Variants in LRRC56 observed in about 807,000 individuals in gnomAD.
LRRC56 encodes leucine-rich repeat-containing protein 56.
In LRRC56, 41 loss-of-function variants were observed where a neutral mutation model predicts 47.8. The ratio of observed to expected loss-of-function variants is 0.86; its 90% CI spans 0.67 to 1.11. The LOEUF (loss-of-function observed/expected upper bound fraction) is 1.11. Among genes scored for constraint, LRRC56 ranks in the 50% most tolerant of loss-of-function variants. The pLI is 0.00. For missense variants in LRRC56, 759 were observed against 704.2 expected (o/e 1.08, Z -0.88); for synonymous variants, 387 against 311.2 (o/e 1.24, Z -2.56).
At chr11:532,611 G>A (rs756277885), upstream of LRRC56, 78 of 1,604,090 alleles carry the variant, frequency 4.9e-5, 1 homozygote, top group Middle Eastern at 8.5e-4. Context: ...CGTGGCGGCC[G>A]CCCTGGGAGT....
At chr11:540,577 CG>C (rs1247892644) in intron 3 of LRRC56, 96 bp from the exon 4 acceptor site, 1 of 929,458 alleles carries the variant, frequency 1.1e-6, no homozygotes, top group African/African-American at 3.4e-5. Context: ...CTTGCTGTGA[CG>C]GGGGCGGGGG....
At chr11:531,700 G>A in the LRRC56 span, among the ~76,000 whole-genome samples, 3 of 152,200 alleles carry the variant, frequency 2.0e-5, no homozygotes, top group Non-Finnish European at 2.9e-5. Flanking sequence ...CCTACTGGCC[G>A]CTACCCGACC....
the LRRC56 span, among the ~76,000 whole-genome samples, chr11:530,111 T>G: frequency 6.6e-6 from 1 of 152,152 alleles, no homozygotes; most frequent in African/African-American, 2.4e-5. Flanking sequence ...CAGTTCAGCA[T>G]GGAGCAGGGG....
rs1852681901 is a variant in LRRC56, at chr11:554,849, C to A, written c.*573C>A. ...GGAACCCAAACCAACATTTCCAGCT[C>A]TCAGGTGTACAGAAATGCGGTTTAC... On this transcript the variant is annotated 3_prime_UTR_variant, in exon 14 of 14. Coordinates refer to ENST00000270115, the MANE Select transcript of LRRC56 (RefSeq NM_198075.4). 9.2e-6 allele frequency: 6 copies of A among 652,116 alleles called. No individual in the cohort carries two copies. The highest frequency in any genetic ancestry group is 7.9e-5 in the African/African-American group (4 of 50,846). The allele number at this position is 652,116 out of a possible 1,614,324, so 40.4% of individuals were successfully genotyped here.
rs1199089475 is a variant in LRRC56, at chr11:552,094, G to A, written c.1043G>A (p.Arg348Lys). The change falls in exon 12 of 14, where the codon AGG becomes AAG. Residue 348 changes from arginine (R) to lysine (K), a missense_variant. Physicochemically the swap from Arg to Lys is conservative, Grantham distance 26 (BLOSUM62 2). Transcript: ENST00000270115. ...GCAGTCCCTTTTCCTCCCCAGGCCA[G>A]GGAGCCCCCCGAGCAGCTGCCCCAA... ...LRERRHQCQA[R>K]EPPEQLPQHR... The A allele has an allele frequency of 3.1e-6, 5 of 1,610,370 alleles. No individual in the cohort carries two copies. Among genetic ancestry groups the A allele is most frequent in the African/African-American group, 1.3e-5 (1 of 74,870 alleles).
intron 3 of LRRC56, among the ~76,000 whole-genome samples, chr11:540,397 G>A (rs1446733894): frequency 1.3e-5 from 2 of 152,222 alleles, no homozygotes; most frequent in Non-Finnish European, 2.9e-5. Flanking sequence ...GGACCCTGAG[G>A]ATGGGCAGAA....
rs1332627283 is a variant in LRRC56, at chr11:552,620, C to G, written c.1233C>G (p.Pro411=). ...PESQQEGAVA[P]WGPRRVPEEQ... Reference sequence around the variant, plus strand: ...CCCAACAGGAAGGGGCTGTAGCCCCCTGGGGCCCACGGAGGGTCCCTGAAG... The same window carrying G: ...CCCAACAGGAAGGGGCTGTAGCCCCGTGGGGCCCACGGAGGGTCCCTGAAG... Residue 411 remains proline (P), a synonymous_variant, in exon 13 of 14, where the codon CCC becomes CCG. Coordinates refer to ENST00000270115, the MANE Select transcript of LRRC56 (RefSeq NM_198075.4). 1 of 1,610,284 alleles carries G rather than the reference C, an allele frequency of 6.2e-7. No homozygotes were observed. Among genetic ancestry groups the G allele is most frequent in the Admixed American group, 1.7e-5 (1 of 59,878 alleles).
the LRRC56 span, among the ~76,000 whole-genome samples, chr11:524,629 C>A: frequency 1.3e-5 from 2 of 151,476 alleles, no homozygotes; most frequent in Non-Finnish European, 2.9e-5. Context: ...GAAACTCTGT[C>A]TCAAAAAAAT....
upstream of LRRC56, chr11:532,902 G>A: frequency 2.4e-6 from 2 of 825,764 alleles, no homozygotes; most frequent in Admixed American, 2.0e-5. Context: ...CACACGGGAA[G>A]CTGGACTCTG....
the LRRC56 span, among the ~76,000 whole-genome samples, chr11:531,174 C>T: frequency 1.4e-5 from 2 of 144,576 alleles, no homozygotes; most frequent in African/African-American, 2.7e-5. Context: ...GAGAGAAGGG[C>T]GAGTGTGGTG....
upstream of LRRC56, chr11:534,372 C>T (rs775464454): frequency 2.7e-6 from 4 of 1,470,660 alleles, no homozygotes; most frequent in Non-Finnish European, 3.8e-6. Context: ...GTCTCCTGCC[C>T]CACCTGCCAA....
upstream of LRRC56, among the ~76,000 whole-genome samples, chr11:536,391 G>T (rs184218121): frequency 1.5e-3 from 233 of 152,324 alleles, 1 homozygote; most frequent in African/African-American, 5.3e-3. Context: ...GCACATAGAC[G>T]CACATCCTAG....
chr11:552,661 C>A lies in LRRC56; in HGVS notation c.1274C>A (p.Ala425Glu), dbSNP rs762691656. Residue 425 changes from alanine to glutamate, a missense_variant, in exon 13 of 14, where the codon GCA becomes GAA. By Grantham distance (107) the Ala-to-Glu change is moderately radical. Transcript: ENST00000270115. ...GTCCCTGAAGAGCAAGTGCACCAGG[C>A]AGAGCCCAAGACTCCCTCCAGCCCC... is the stretch of plus-strand genomic sequence containing the variant. ...RRVPEEQVHQ[A>E]EPKTPSSPPS... is the part of the protein sequence containing the mutation. 1 of 1,611,442 alleles carries A rather than the reference C, an allele frequency of 6.2e-7. No individual in the cohort carries two copies. Among genetic ancestry groups the A allele is most frequent in the Non-Finnish European group, 8.5e-7 (1 of 1,179,166 alleles).
At chr11:522,937 C>T in the LRRC56 span, among the ~76,000 whole-genome samples, 5 of 151,850 alleles carry the variant, frequency 3.3e-5, no homozygotes, top group Non-Finnish European at 1.5e-5. Context: ...TTAGTAGAGA[C>T]GAGGTTTCAC....
chr11:518,474 G>T, the LRRC56 span, among the ~76,000 whole-genome samples: 1 of 152,032 alleles, frequency 6.6e-6, no homozygotes, highest in African/African-American at 2.4e-5. Context: ...GAGCCACCGC[G>T]CCAGGTCAGC....
At position 552,875 on chromosome 11, in the gene LRRC56, A is replaced by G. The variant is rs28575794; in HGVS notation, c.1315+173A>G. Among the ~76,000 whole-genome samples the G allele has an allele frequency of 0.99, 150,876 of 152,304 alleles. 74,745 individuals are homozygous for G. The highest frequency in any genetic ancestry group is 1 in the Middle Eastern group (294 of 294). ...TTCTGGGGGTGGGGGGCTCACGACCAAGGGAGGCCCAACCCAAGTCCTCTC... is the reference window on the plus strand; with the variant it reads ...TTCTGGGGGTGGGGGGCTCACGACCGAGGGAGGCCCAACCCAAGTCCTCTC... On this transcript the variant is annotated intron_variant, in intron 13 of 13. Transcript: ENST00000270115.
In LRRC56 at chr11:554,861, G is replaced by A; in HGVS notation, c.*585G>A. On this transcript the variant is annotated 3_prime_UTR_variant, in exon 14 of 14. Coordinates refer to ENST00000270115, the MANE Select transcript of LRRC56 (RefSeq NM_198075.4). ...AACATTTCCAGCTCTCAGGTGTACA[G>A]AAATGCGGTTTACTTTGTAGGCCAC... is the stretch of plus-strand genomic sequence containing the variant. 4 of 712,152 alleles carry A rather than the reference G, an allele frequency of 5.6e-6. No homozygotes were observed. The highest frequency in any genetic ancestry group is 2.1e-5 in the South Asian group (1 of 48,264). The allele number at this position is 712,152 out of a possible 1,614,324, so 44.1% of individuals were successfully genotyped here.
chr11:521,827 A>G, the LRRC56 span, among the ~76,000 whole-genome samples: 9 of 151,768 alleles, frequency 5.9e-5, no homozygotes, highest in Non-Finnish European at 1.3e-4. Context: ...AGGCAGGAGA[A>G]TGGCGTGAAC....
upstream of LRRC56, chr11:533,966 G>A (rs753221782): frequency 2.5e-6 from 4 of 1,607,066 alleles, no homozygotes; most frequent in Non-Finnish European, 3.4e-6. Context: ...CAGGGCTCAG[G>A]GACCCCCTCA....
Sources: gnomAD v4.1 joint callset for allele counts (sites outside exome capture counted in the v4.1 genomes callset) on GRCh38, gnomAD v4.1.1 for gene constraint, MANE v1.5 for transcripts, NCBI Gene and HGNC (gene_info 2026-07-23, HGNC 2026-07-21) for gene names.